The following LDLRAD3 variants were observed in gnomAD, a reference collection of about 807,000 sequenced individuals.
LDLRAD3 encodes low density lipoprotein receptor class A domain containing 3, also known as low-density lipoprotein receptor class A domain-containing protein 3.
LDLRAD3 carries 20 observed loss-of-function variants against 29.4 expected under a neutral mutation model. The ratio of observed to expected loss-of-function variants is 0.68; its 90% confidence interval spans 0.48 to 0.99. LDLRAD3 has a LOEUF of 0.99. Ranked by LOEUF, LDLRAD3 falls within the 50% of genes least tolerant of loss-of-function variation. LDLRAD3 has a pLI of 0.00. For missense variants in LDLRAD3, 420 were observed against 454.3 expected, an observed-to-expected ratio of 0.92 and a Z score of 0.69; for synonymous variants, 157 against 192.7, an observed-to-expected ratio of 0.81 and a Z score of 1.53.
Position 36,181,155 on chromosome 11 carries a change from G to C in LDLRAD3, c.455-45930G>C, listed in dbSNP as rs1854756588. 4.6e-5 allele frequency among the ~76,000 whole-genome samples: 7 copies of C among 151,724 alleles called. No homozygotes were observed. The South Asian group carries it at 1.5e-3, about 32-fold the overall frequency. ...TCCCAATAAAATGTATTAACTGCTG[G>C]CACCACTTCAAAACTCTGGCTAGTC... On this transcript the variant is annotated intron_variant, in intron 4 of 5. Transcript: ENST00000315571.
At chr11:35,977,561 C>T (rs576634599) in intron 1 of LDLRAD3, among the ~76,000 whole-genome samples, 1 of 152,206 alleles carries the variant, frequency 6.6e-6, no homozygotes, top group South Asian at 2.1e-4. Flanking sequence ...AGCAGCTTTA[C>T]TAGAGGAATA....
chr11:36,040,979 T>C (rs544836702), intron 2 of LDLRAD3, among the ~76,000 whole-genome samples: 1 of 152,304 alleles, frequency 6.6e-6, no homozygotes, highest in Non-Finnish European at 1.5e-5. Flanking sequence ...TACCTATTGA[T>C]GGACTAATAT....
chr11:35,990,583 A>AT lies in LDLRAD3; in HGVS notation c.47-45508dup, dbSNP rs35610319. On this transcript the variant is annotated intron_variant, in intron 1 of 5. Transcript: ENST00000315571. ...CAGGTGCATGCCAGCTAATTTTTGT[A>AT]TTTTTTTTTTTTAGTAGAGATGGGG... Among the ~76,000 whole-genome samples the AT allele has an allele frequency of 5.3e-3, 793 of 148,262 alleles. 9 individuals carry two copies. The highest frequency in any genetic ancestry group is 0.018 in the African/African-American group (734 of 40,818).
chr11:36,107,171 A>T (rs1019299998), intron 4 of LDLRAD3, among the ~76,000 whole-genome samples: 4 of 151,994 alleles, frequency 2.6e-5, no homozygotes, highest in African/African-American at 9.7e-5. Context: ...GATCCTCAGG[A>T]AATGTCTGTC....
intron 2 of LDLRAD3, among the ~76,000 whole-genome samples, chr11:36,055,058 A>C (rs377083968): frequency 8.2e-4 from 6 of 7,360 alleles, no homozygotes; most frequent in South Asian, 0.018. Context: ...TGGATAGATG[A>C]ATGGGTGGAT....
intron 4 of LDLRAD3, among the ~76,000 whole-genome samples, chr11:36,206,527 C>T (rs1855211080): frequency 6.6e-6 from 1 of 152,188 alleles, no homozygotes; most frequent in African/African-American, 2.4e-5. Context: ...TTAGGGAACT[C>T]AGGGGAGAAG....
chr11:36,005,367 G>A (rs1237159590), intron 1 of LDLRAD3, among the ~76,000 whole-genome samples: 1 of 152,204 alleles, frequency 6.6e-6, no homozygotes, highest in East Asian at 1.9e-4. Flanking sequence ...GATCTCTAGG[G>A]CAGGGGCAGA....
chr11:36,044,609 CT>C (rs1852423631), intron 2 of LDLRAD3, among the ~76,000 whole-genome samples: 1 of 152,182 alleles, frequency 6.6e-6, no homozygotes, highest in South Asian at 2.1e-4. Context: ...AGGCCAGTAT[CT>C]GCTTTTCACT....
intron 1 of LDLRAD3, among the ~76,000 whole-genome samples, chr11:35,948,799 C>T (rs756182203): frequency 3.9e-5 from 6 of 152,024 alleles, no homozygotes; most frequent in Non-Finnish European, 7.4e-5. Context: ...GACACCTTGG[C>T]CTGGATAGTT....
At chr11:36,225,572 C>T (rs923471710) in intron 4 of LDLRAD3, among the ~76,000 whole-genome samples, 39 of 152,244 alleles carry the variant, frequency 2.6e-4, no homozygotes, top group Middle Eastern at 3.4e-3. Context: ...AGGTCTTATT[C>T]GGGTGATGTA....
chr11:35,990,883 T>C (rs1258689505), intron 1 of LDLRAD3, among the ~76,000 whole-genome samples: 1 of 152,234 alleles, frequency 6.6e-6, no homozygotes, highest in Non-Finnish European at 1.5e-5. Flanking sequence ...TTCAGAGGTA[T>C]TGGAGGTTAG....
Position 35,944,239 on chromosome 11 carries a change from C to A in LDLRAD3, c.46+95C>A. Reference sequence around the variant, plus strand: ...GTGCGATCGCGTCCTCTCCCGGGCGCGGGCCGCTCTCCGGGCGTGGGTGAG... The same window carrying A: ...GTGCGATCGCGTCCTCTCCCGGGCGAGGGCCGCTCTCCGGGCGTGGGTGAG... On this transcript the variant is annotated intron_variant, in intron 1 of 5. Coordinates refer to ENST00000315571, the MANE Select transcript of LDLRAD3 (RefSeq NM_174902.4). The surrounding 1 kb of genome is among the most constrained non-coding windows in gnomAD (Gnocchi z 4.9). 1 of 759,222 alleles carries A rather than the reference C, an allele frequency of 1.3e-6. No individual in the cohort carries two copies. Among genetic ancestry groups the A allele is most frequent in the Non-Finnish European group, 1.6e-6 (1 of 622,484 alleles). The allele number at this position is 759,222 out of a possible 1,614,324, so 47.0% of individuals were successfully genotyped here.
intron 2 of LDLRAD3, among the ~76,000 whole-genome samples, chr11:36,059,965 C>T (rs1852673347): frequency 6.6e-6 from 1 of 152,186 alleles, no homozygotes; most frequent in South Asian, 2.1e-4. Context: ...ACTAAAAAGT[C>T]TAAGTGCTTT....
chr11:36,054,789 G>C (rs147948453), intron 2 of LDLRAD3, among the ~76,000 whole-genome samples: 2 of 135,432 alleles, frequency 1.5e-5, no homozygotes, highest in Non-Finnish European at 3.1e-5. Flanking sequence ...ATGGATGATG[G>C]GTACATGGAT....
chr11:36,179,459 GTGAGACTC>G (rs1182609744), intron 4 of LDLRAD3, among the ~76,000 whole-genome samples: 1 of 152,082 alleles, frequency 6.6e-6, no homozygotes, highest in African/African-American at 2.4e-5. Flanking sequence ...GGGTAACAGA[GTGAGACTC>G]TGTCTCAGAA....
rs1451614872 is a variant in LDLRAD3, at chr11:36,035,685, C to T, written c.47-418C>T. 3.9e-5 allele frequency among the ~76,000 whole-genome samples: 6 copies of T among 152,272 alleles called. No homozygotes were observed. In the East Asian group the frequency reaches 1.2e-3, roughly 29 times the overall value. On this transcript the variant is annotated intron_variant, in intron 1 of 5. Coordinates refer to ENST00000315571, the MANE Select transcript of LDLRAD3 (RefSeq NM_174902.4). The stretch of plus-strand genomic sequence containing the variant: ...TTCAAGGATTCTGTGATTGTAAGGG[C>T]TACAGAGTGTGAGGCCTGGAAAGAT...
intron 1 of LDLRAD3, among the ~76,000 whole-genome samples, chr11:35,971,160 CCCCATCTGAACT>C (rs947197555): frequency 2.0e-5 from 3 of 152,084 alleles, no homozygotes; most frequent in Non-Finnish European, 2.9e-5. Context: ...GTACCCTTAC[CCCCATCTGAACT>C]CCCACCCCTG....
chr11:36,159,189 C>T (rs141185634), intron 4 of LDLRAD3, among the ~76,000 whole-genome samples: 280 of 152,204 alleles, frequency 1.8e-3, no homozygotes, highest in African/African-American at 6.3e-3. Flanking sequence ...AGAACTTGGC[C>T]GGGTGTGGTC....
intron 4 of LDLRAD3, among the ~76,000 whole-genome samples, chr11:36,144,502 G>A (rs1305800237): frequency 2.0e-5 from 3 of 150,806 alleles, no homozygotes; most frequent in Admixed American, 6.6e-5. Flanking sequence ...CTGCCTGGCC[G>A]CCCATCGTCT....
Sources: allele counts gnomAD v4.1 joint callset (sites outside exome capture counted in the v4.1 genomes callset), GRCh38; gene constraint gnomAD v4.1.1; non-coding constraint Gnocchi (gnomAD v3.1); transcripts MANE v1.5; gene names NCBI Gene and HGNC (gene_info 2026-07-23, HGNC 2026-07-21).